CSMD1: variants seen among roughly 807,000 people sequenced by gnomAD.
CSMD1 encodes CUB and sushi domain-containing protein 1.
In CSMD1, 213 loss-of-function variants were observed where a neutral mutation model predicts 417.5. That is an observed-to-expected ratio of 0.51 (90% CI 0.46 to 0.57). The LOEUF (loss-of-function observed/expected upper bound fraction) is 0.57. CSMD1 is among the 20% of genes least tolerant of loss of function. The probability of loss-of-function intolerance (pLI) is 0.00; values close to 1 mark genes in which losing one functional copy is unlikely to be tolerated. For synonymous variants in CSMD1, 2,862 were observed against 1,736.8 expected, an observed-to-expected ratio of 1.65 and a Z score of -16.11; for missense variants, 6,923 against 4,529.7, an observed-to-expected ratio of 1.53 and a Z score of -15.17.
intron 3 of CSMD1, among the ~76,000 whole-genome samples, chr8:4,060,901 GC>G (rs1798936542): frequency 6.6e-6 from 1 of 152,132 alleles, no homozygotes; most frequent in African/African-American, 2.4e-5. Flanking sequence ...CTCCCACTAA[GC>G]CTGTTTCCCA....
In CSMD1 at chr8:4,773,038, T is replaced by C. The variant is rs140031479; in HGVS notation, c.86-135480A>G. Among the ~76,000 whole-genome samples, 368 of 152,288 alleles carry C rather than the reference T, an allele frequency of 2.4e-3. 3 individuals carry two copies. Among genetic ancestry groups the C allele is most frequent in the African/African-American group, 8.6e-3 (357 of 41,574 alleles). On this transcript the variant is annotated intron_variant, in intron 1 of 69. Transcript: ENST00000635120. The stretch of plus-strand genomic sequence containing the variant: ...AAGAAATGCTCATACAGGTTGAATA[T>C]CTCTTATCTGAAATGTTTGCCACCA...
At chr8:3,077,586 T>C (rs888236059) in intron 49 of CSMD1, among the ~76,000 whole-genome samples, 2 of 152,212 alleles carry the variant, frequency 1.3e-5, no homozygotes, top group African/African-American at 4.8e-5. Context: ...TGTTTGCTTA[T>C]TTTTCCTGTC....
At chr8:4,560,789 G>A (rs1798295378) in intron 2 of CSMD1, among the ~76,000 whole-genome samples, 1 of 152,188 alleles carries the variant, frequency 6.6e-6, no homozygotes, top group Non-Finnish European at 1.5e-5. Context: ...ACTGTAGCCT[G>A]AAGACTTCCT....
At chr8:3,671,078 T>C (rs1313053739) in intron 7 of CSMD1, among the ~76,000 whole-genome samples, 1 of 137,452 alleles carries the variant, frequency 7.3e-6, no homozygotes, top group East Asian at 2.1e-4. Flanking sequence ...ATGGGATATA[T>C]ACATATAAGG....
intron 2 of CSMD1, among the ~76,000 whole-genome samples, chr8:4,633,735 C>CTTT (rs1563353694): frequency 6.6e-6 from 1 of 151,794 alleles, no homozygotes; most frequent in Non-Finnish European, 1.5e-5. Flanking sequence ...TTTTTTTGTA[C>CTTT]TTTTAGTGGA....
At chr8:4,166,244 T>C (rs1030372473) in intron 3 of CSMD1, among the ~76,000 whole-genome samples, 1 of 152,228 alleles carries the variant, frequency 6.6e-6, no homozygotes, top group Non-Finnish European at 1.5e-5. Flanking sequence ...CAGATTATCA[T>C]ATCAATATGC....
chr8:3,398,128 A>T (rs568321505), intron 16 of CSMD1, among the ~76,000 whole-genome samples: 1 of 152,182 alleles, frequency 6.6e-6, no homozygotes, highest in African/African-American at 2.4e-5. Flanking sequence ...GAGGGCTAAT[A>T]GACTGGCCAG....
At chr8:4,381,598 G>T (rs1803107636) in intron 3 of CSMD1, among the ~76,000 whole-genome samples, 1 of 152,030 alleles carries the variant, frequency 6.6e-6, no homozygotes, top group Non-Finnish European at 1.5e-5. Context: ...ACTTCCCCTT[G>T]GTTCCCGCCC....
chr8:4,303,149 T>G (rs1170431005), intron 3 of CSMD1, among the ~76,000 whole-genome samples: 2 of 152,152 alleles, frequency 1.3e-5, no homozygotes, highest in Non-Finnish European at 2.9e-5. Context: ...GAACTAAAAC[T>G]TCCCTCAAAC....
intron 1 of CSMD1, among the ~76,000 whole-genome samples, chr8:4,812,373 G>A (rs991467098): frequency 3.3e-5 from 5 of 152,142 alleles, no homozygotes; most frequent in Non-Finnish European, 5.9e-5. Context: ...CAGTTAGATA[G>A]AAGGTATAAA....
intron 3 of CSMD1, among the ~76,000 whole-genome samples, chr8:4,297,948 G>A (rs1469685218): frequency 6.6e-6 from 1 of 152,172 alleles, no homozygotes; most frequent in East Asian, 1.9e-4. Context: ...TAAAAGGCTA[G>A]GTGACGGATT....
intron 1 of CSMD1, among the ~76,000 whole-genome samples, chr8:4,654,444 A>T (rs2130904157): frequency 6.6e-6 from 1 of 152,156 alleles, no homozygotes; most frequent in Admixed American, 6.5e-5. Flanking sequence ...TTGGAAAAGG[A>T]AAGTAGGAAC....
At chr8:3,788,805 G>A (rs896361836) in intron 5 of CSMD1, among the ~76,000 whole-genome samples, 1 of 152,178 alleles carries the variant, frequency 6.6e-6, no homozygotes, top group Admixed American at 6.5e-5. Context: ...ACACAGGACA[G>A]ACGCATTTAT....
chr8:4,820,756 T>C (rs924474446), intron 1 of CSMD1, among the ~76,000 whole-genome samples: 4 of 152,184 alleles, frequency 2.6e-5, no homozygotes, highest in African/African-American at 9.7e-5. Context: ...CATAAAGACA[T>C]TTATTCCTGT....
At chr8:3,999,110 C>G (rs79665737) in intron 4 of CSMD1, among the ~76,000 whole-genome samples, 2 of 150,912 alleles carry the variant, frequency 1.3e-5, no homozygotes, top group African/African-American at 4.9e-5. Context: ...TGTTTTAAAG[C>G]ATGTTTTTTA....
At chr8:4,598,237 C>G (rs1338295983) in intron 2 of CSMD1, among the ~76,000 whole-genome samples, 1 of 152,164 alleles carries the variant, frequency 6.6e-6, no homozygotes, top group African/African-American at 2.4e-5. Context: ...GCTCTCCAAT[C>G]TAATTTATGC....
At chr8:3,251,276 A>G (rs1266078918) in intron 26 of CSMD1, among the ~76,000 whole-genome samples, 1 of 152,176 alleles carries the variant, frequency 6.6e-6, no homozygotes, top group Non-Finnish European at 1.5e-5. Context: ...TCAGCTTTCT[A>G]CATATGGCTA....
intron 2 of CSMD1, among the ~76,000 whole-genome samples, chr8:4,447,694 A>G (rs909362690): frequency 1.3e-5 from 2 of 152,214 alleles, no homozygotes; most frequent in African/African-American, 4.8e-5. Flanking sequence ...CTTGTTTTAG[A>G]AAGTGCACTC....
At chr8:3,239,163 G>C (rs1445507317) in intron 26 of CSMD1, among the ~76,000 whole-genome samples, 1 of 152,108 alleles carries the variant, frequency 6.6e-6, no homozygotes, top group African/African-American at 2.4e-5. Flanking sequence ...GCTTGGTAAG[G>C]TTTTAAAAGA....
Sources: gnomAD v4.1 joint callset for allele counts (sites outside exome capture counted in the v4.1 genomes callset) on GRCh38, gnomAD v4.1.1 for gene constraint, MANE v1.5 for transcripts, NCBI Gene and HGNC (gene_info 2026-07-23, HGNC 2026-07-21) for gene names.